TSHZ3: variants seen among roughly 807,000 people sequenced by gnomAD.
TSHZ3 encodes the protein teashirt homolog 3.
Under a neutral mutation model 64.5 loss-of-function variants are expected in TSHZ3, and 10 were observed. The ratio of observed to expected loss-of-function variants is 0.16; its 90% CI spans 0.10 to 0.26. The LOEUF (loss-of-function observed/expected upper bound fraction) is 0.26, where lower values mean the gene tolerates loss of function less well. Among genes scored for constraint, TSHZ3 ranks in the 10% least tolerant of loss-of-function variants. The pLI is 1.00. For missense variants in TSHZ3, 1,242 were observed against 1,421.7 expected (o/e 0.87, Z 2.03); for synonymous variants, 608 against 593.1 (o/e 1.03, Z -0.36).
intron 1 of TSHZ3, among the ~76,000 whole-genome samples, chr19:31,296,245 G>C (rs960780202): frequency 2.0e-5 from 3 of 151,620 alleles, no homozygotes; most frequent in African/African-American, 7.3e-5. Flanking sequence ...CATGGAGAGA[G>C]GAAGGGGAGG....
intron 1 of TSHZ3, among the ~76,000 whole-genome samples, chr19:31,289,251 C>T (rs1449128100): frequency 6.6e-6 from 1 of 152,166 alleles, no homozygotes; most frequent in Non-Finnish European, 1.5e-5. Flanking sequence ...GCCTCTGGGT[C>T]TCCCAGACCC....
intron 3 of TSHZ3, among the ~76,000 whole-genome samples, chr19:31,237,774 C>A (rs1259802407): frequency 1.3e-5 from 2 of 152,164 alleles, no homozygotes; most frequent in East Asian, 1.9e-4. Context: ...CTGTACACTG[C>A]ACCCAACAAA....
intron 5 of TSHZ3, among the ~76,000 whole-genome samples, chr19:31,190,414 T>C (rs1320426964): frequency 6.6e-6 from 1 of 152,108 alleles, no homozygotes; most frequent in Non-Finnish European, 1.5e-5. Flanking sequence ...CCTCTAAATA[T>C]TCCAGGAATT....
intron 3 of TSHZ3, among the ~76,000 whole-genome samples, chr19:31,228,685 G>A (rs1036130965): frequency 6.6e-6 from 1 of 152,082 alleles, no homozygotes; most frequent in African/African-American, 2.4e-5. Context: ...AAGGTTACTA[G>A]CACCTTCCCA....
At chr19:31,160,041 T>G (rs1342685508) in intron 5 of TSHZ3, among the ~76,000 whole-genome samples, 1 of 152,152 alleles carries the variant, frequency 6.6e-6, no homozygotes, top group Non-Finnish European at 1.5e-5. Context: ...GAGGAATAAA[T>G]AATACTACGA....
intron 1 of TSHZ3, among the ~76,000 whole-genome samples, chr19:31,323,892 A>ACACACACACC: frequency 6.6e-6 from 1 of 151,244 alleles, no homozygotes; most frequent in Non-Finnish European, 1.5e-5. Flanking sequence ...ACACACACAC[A>ACACACACACC]CACACACACA....
chr19:31,328,142 A>T (rs545372222), intron 1 of TSHZ3, among the ~76,000 whole-genome samples: 2 of 152,374 alleles, frequency 1.3e-5, no homozygotes, highest in South Asian at 4.1e-4. Flanking sequence ...AAACTCTGTC[A>T]GAAGAAATAT....
chr19:31,243,653 C>T (rs1424248325), intron 1 of TSHZ3, among the ~76,000 whole-genome samples: 1 of 152,150 alleles, frequency 6.6e-6, no homozygotes, highest in Admixed American at 6.5e-5. Context: ...CCCACCGACA[C>T]AGGATACCAT....
At chr19:31,280,385 T>C (rs1172545868) in intron 1 of TSHZ3, among the ~76,000 whole-genome samples, 1 of 151,934 alleles carries the variant, frequency 6.6e-6, no homozygotes, top group Non-Finnish European at 1.5e-5. Flanking sequence ...TCAGAAAAGC[T>C]TAGAGGTAGG....
chr19:31,184,715 G>A (rs1974775560), intron 5 of TSHZ3, among the ~76,000 whole-genome samples: 1 of 152,214 alleles, frequency 6.6e-6, no homozygotes, highest in Admixed American at 6.5e-5. Flanking sequence ...TTCCTGATTA[G>A]ATTAGAGGTA....
At chr19:31,231,084 T>C (rs1975533931) in intron 3 of TSHZ3, among the ~76,000 whole-genome samples, 1 of 152,032 alleles carries the variant, frequency 6.6e-6, no homozygotes, top group African/African-American at 2.4e-5. Context: ...ATCACAATAA[T>C]AATGCAGATG....
intron 4 of TSHZ3, among the ~76,000 whole-genome samples, chr19:31,205,896 G>T (rs1975160593): frequency 1.3e-5 from 2 of 152,218 alleles, no homozygotes. Context: ...CACATCTAGG[G>T]CTATGTTCTA....
chr19:31,246,700 G>A (rs1043909487), intron 1 of TSHZ3, among the ~76,000 whole-genome samples: 5 of 152,146 alleles, frequency 3.3e-5, no homozygotes, highest in African/African-American at 1.2e-4. Context: ...AGAGGACCTG[G>A]AAGCAATGGA....
At chr19:31,281,029 G>A (rs1976352454) in intron 1 of TSHZ3, among the ~76,000 whole-genome samples, 1 of 152,130 alleles carries the variant, frequency 6.6e-6, no homozygotes, top group Admixed American at 6.5e-5. Context: ...AAGTGACTTT[G>A]TCCTGTCAGC....
chr19:31,218,577 T>C (rs371272371), intron 4 of TSHZ3, among the ~76,000 whole-genome samples: 1 of 152,222 alleles, frequency 6.6e-6, no homozygotes, highest in East Asian at 1.9e-4. Context: ...AGAAAACTTA[T>C]GTCTACATAA....
At chr19:31,205,520 C>T (rs888741621) in intron 4 of TSHZ3, among the ~76,000 whole-genome samples, 2 of 152,218 alleles carry the variant, frequency 1.3e-5, no homozygotes, top group Non-Finnish European at 2.9e-5. Context: ...GAGCTCTTTT[C>T]ACCAAGAGTG....
intron 5 of TSHZ3, among the ~76,000 whole-genome samples, chr19:31,170,854 G>A (rs1276876124): frequency 1.3e-5 from 2 of 152,158 alleles, no homozygotes; most frequent in Non-Finnish European, 2.9e-5. Context: ...GAAAACATTT[G>A]AGTCAGAGAA....
chr19:31,209,604 C>T (rs1381134077), intron 4 of TSHZ3, among the ~76,000 whole-genome samples: 1 of 152,164 alleles, frequency 6.6e-6, no homozygotes, highest in Non-Finnish European at 1.5e-5. Context: ...TTAATGATCT[C>T]ATTATTGTCG....
In TSHZ3 at chr19:31,277,709, A is replaced by C. The variant is rs1222669339; in HGVS notation, c.2084T>G (p.Val695Gly). 1.0e-5 allele frequency: 16 copies of C among 1,524,568 alleles called. No individual in the cohort carries two copies. Among genetic ancestry groups the C allele is most frequent in the Non-Finnish European group, 1.2e-5 (14 of 1,138,582 alleles). The allele number at this position is 1,524,568 out of a possible 1,614,324, so 94.4% of individuals were successfully genotyped here. A position where few individuals can be genotyped will look rare whatever the true frequency, so the allele number is the denominator to read the frequency against. Residue 695 changes from valine (V) to glycine (G), a missense_variant, in exon 2 of 2, where the codon GTG becomes GGG. Val to Gly is a moderately radical substitution (Grantham distance 109). This residue lies in a region of TSHZ3 where 550 missense variants were observed against 545.1 expected (regional missense o/e 1.01). Transcript: ENST00000240587. The surrounding 1 kb of genome is among the most constrained non-coding windows in gnomAD (Gnocchi z 4.5). ...AEPVENGKELVKPLASSLSGS... is the reference protein window; with the variant it reads ...AEPVENGKELGKPLASSLSGS... ...ACTCAAACTGCTGGCTAGGGGCTTC[A>C]CCAGCTCCTTGCCATTCTCCACCGG...
Sources: allele counts gnomAD v4.1 joint callset (sites outside exome capture counted in the v4.1 genomes callset), GRCh38; gene constraint gnomAD v4.1.1; regional missense constraint gnomAD v4.1.1; non-coding constraint Gnocchi (gnomAD v3.1); transcripts MANE v1.5; gene names NCBI Gene and HGNC (gene_info 2026-07-23, HGNC 2026-07-21).